Variants in NTRK1 observed in about 807,000 individuals in gnomAD.
The protein encoded by NTRK1 is high affinity nerve growth factor receptor.
A neutral mutation model predicts 86.8 loss-of-function variants in NTRK1; 62 were observed. The ratio of observed to expected loss-of-function variants is 0.71; its 90% confidence interval spans 0.58 to 0.88. The LOEUF (loss-of-function observed/expected upper bound fraction) is 0.88, where lower values mean the gene tolerates loss of function less well. Ranked by LOEUF, NTRK1 falls within the 40% of genes least tolerant of loss-of-function variation. The probability of loss-of-function intolerance (pLI) is 0.00; values close to 1 mark genes in which losing one functional copy is unlikely to be tolerated. For missense variants in NTRK1, 967 were observed against 1,078.4 expected (o/e 0.90, Z 1.45); for synonymous variants, 469 against 456.6 (o/e 1.03, Z -0.35).
chr1:156,864,814 T>C lies in NTRK1; in HGVS notation c.359+15T>C. 1.2e-6 allele frequency: 2 copies of C among 1,610,392 alleles called. No individual in the cohort carries two copies. The highest frequency in any genetic ancestry group is 2.2e-5 in the East Asian group (1 of 44,756). ...CTCAGTCGCCTGTGAGTGTGGCCAG[T>C]GCTGGGCAGTGGGAGTTGGGGAGGA... On this transcript the variant is annotated intron_variant, in intron 3 of 16. Coordinates refer to ENST00000524377, the MANE Select transcript of NTRK1 (RefSeq NM_002529.4).
At position 156,881,544 on chromosome 1, in the gene NTRK1, C is replaced by A; in HGVS notation, c.2293C>A (p.Gln765Lys). ...CTACGCCATCATGCGGGGCTGCTGG[C>A]AGCGGGAGCCCCAGCAACGCCACAG... Reference protein sequence around the residue: ...EVYAIMRGCWQREPQQRHSIK... With the variant: ...EVYAIMRGCWKREPQQRHSIK... The change falls in exon 17 of 17, where the codon CAG becomes AAG. Residue 765 changes from glutamine to lysine, a missense_variant. Physicochemically the swap from Gln to Lys is moderately conservative, Grantham distance 53. Transcript: ENST00000524377. 6.2e-7 allele frequency: 1 copy of A among 1,607,342 alleles called. No homozygotes were observed. The highest frequency in any genetic ancestry group is 1.7e-5 in the Admixed American group (1 of 59,196).
chr1:156,875,342 G>C (rs1254922368), intron 11 of NTRK1, among the ~76,000 whole-genome samples, 178 bp from the exon 12 acceptor site: 2 of 152,070 alleles, frequency 1.3e-5, no homozygotes, highest in Non-Finnish European at 2.9e-5. Context: ...GGTGGGACAG[G>C]AGCCAGCACA....
rs1648106029 is a variant in NTRK1 at position 156,879,272 on chromosome 1, C to T, written c.1956C>T (p.Ala652=). The part of the protein sequence containing the change: ...AGLHFVHRDL[A]TRNCLVGQGL... ...TGCATTTTGTGCACCGGGACCTGGC[C>T]ACACGCAACTGTCTAGTGGGCCAGG... Residue 652 remains alanine, a synonymous_variant, in exon 15 of 17, where the codon GCC becomes GCT. Coordinates refer to ENST00000524377, the MANE Select transcript of NTRK1 (RefSeq NM_002529.4). The T allele has an allele frequency of 6.2e-7, 1 of 1,613,914 alleles. No homozygotes were observed. The highest frequency in any genetic ancestry group is 8.5e-7 in the Non-Finnish European group (1 of 1,180,034).
At chr1:156,862,634 G>T (rs967098203) in intron 1 of NTRK1, among the ~76,000 whole-genome samples, 5 of 151,622 alleles carry the variant, frequency 3.3e-5, no homozygotes, top group African/African-American at 1.2e-4. Flanking sequence ...TCACTCACCC[G>T]CAGAGCTAAC....
chr1:156,856,744 C>T (rs914645418), upstream of NTRK1, among the ~76,000 whole-genome samples: 6 of 152,162 alleles, frequency 3.9e-5, no homozygotes, highest in Non-Finnish European at 8.8e-5. Context: ...AGGGCTGGAA[C>T]CACTGGGCAC....
At chr1:156,862,358 T>C (rs376995932) in intron 1 of NTRK1, among the ~76,000 whole-genome samples, 54 of 152,160 alleles carry the variant, frequency 3.5e-4, no homozygotes, top group African/African-American at 1.3e-3. Context: ...GAGAGACAGG[T>C]TGCCAGTCCT....
At chr1:156,867,884 A>G (rs1013949122) in intron 4 of NTRK1, among the ~76,000 whole-genome samples, 3 of 148,090 alleles carry the variant, frequency 2.0e-5, no homozygotes, top group African/African-American at 5.0e-5. Flanking sequence ...TGTGTTAGCC[A>G]GGATGGTCTC....
intron 6 of NTRK1, among the ~76,000 whole-genome samples, chr1:156,870,192 C>A (rs1020652745): frequency 6.6e-6 from 1 of 152,196 alleles, no homozygotes; most frequent in African/African-American, 2.4e-5. Flanking sequence ...CCAGGATTTG[C>A]TTTCTCTTTG....
intron 1 of NTRK1, chr1:156,815,890 C>T (rs369302487): frequency 1.3e-5 from 21 of 1,613,288 alleles, no homozygotes; most frequent in African/African-American, 2.7e-5. Flanking sequence ...TTGGCAGACC[C>T]GGATCATTCC....
intron 2 of NTRK1, chr1:156,842,319 C>A: frequency 6.2e-7 from 1 of 1,613,584 alleles, no homozygotes; most frequent in East Asian, 2.2e-5. Context: ...AGAGGCTGGT[C>A]TCCTGTCCAG....
At position 156,836,362 on chromosome 1, in the gene NTRK1, G is replaced by A. The variant is rs944704126; in HGVS notation, c.-63-5719G>A. Among the ~76,000 whole-genome samples the A allele has an allele frequency of 2.0e-4, 30 of 152,140 alleles. No individual in the cohort carries two copies. The East Asian group carries it at 4.4e-3, about 22-fold the overall frequency. ...GTTTCTGAGTTGCTGTCTCCCTACC[G>A]CTGCCTCTCTCTTCCACACCCTGCT... On this transcript the variant is annotated intron_variant, in intron 1 of 16. Coordinates refer to the NTRK1 transcript ENST00000392302.
chr1:156,880,225 A>T (rs1376753455), intron 16 of NTRK1, 68 bp downstream of exon 16: 11 of 1,571,616 alleles, frequency 7.0e-6, no homozygotes, highest in Non-Finnish European at 9.5e-6. Flanking sequence ...TTCCTTTTTC[A>T]GGGAACTCGG....
chr1:156,827,562 T>G (rs1487289862), intron 1 of NTRK1, among the ~76,000 whole-genome samples: 1 of 152,162 alleles, frequency 6.6e-6, no homozygotes, highest in East Asian at 1.9e-4. Context: ...GCACCTGGCC[T>G]ATTTTTAAAT....
intron 14 of NTRK1, among the ~76,000 whole-genome samples, chr1:156,878,314 A>G (rs2644604): frequency 0.81 from 123,060 of 152,020 alleles, 50,905 homozygotes; most frequent in Non-Finnish European, 0.89. Flanking sequence ...TTGAGTCTCA[A>G]TTTAGGTGTC....
upstream of NTRK1, among the ~76,000 whole-genome samples, chr1:156,856,902 C>T (rs1028911724): frequency 6.6e-6 from 1 of 152,144 alleles, no homozygotes; most frequent in Non-Finnish European, 1.5e-5. Context: ...TTCCGTGGCT[C>T]CCCACTGCAG....
At chr1:156,878,988 A>C (rs545166892) in intron 14 of NTRK1, 134 bp from the exon 15 acceptor site, 14 of 1,023,830 alleles carry the variant, frequency 1.4e-5, no homozygotes, top group Non-Finnish European at 2.9e-6. Flanking sequence ...AGCTGCCTCT[A>C]CTGTTCTCTC....
intron 2 of NTRK1, among the ~76,000 whole-genome samples, chr1:156,847,250 G>C (rs1324446064): frequency 1.3e-5 from 2 of 152,218 alleles, no homozygotes; most frequent in African/African-American, 2.4e-5. Context: ...TTTCTAGAGA[G>C]AGTGTTCCTA....
chr1:156,871,367 G>T (rs1431430359), intron 6 of NTRK1, among the ~76,000 whole-genome samples: 1 of 151,900 alleles, frequency 6.6e-6, no homozygotes, highest in Non-Finnish European at 1.5e-5. Context: ...AGCCTGGGCA[G>T]GACAGTAAGA....
At chr1:156,841,358 A>C in intron 1 of NTRK1, 1 of 1,605,022 alleles carries the variant, frequency 6.2e-7, no homozygotes, top group Non-Finnish European at 8.5e-7. Context: ...TTGTAGGTAG[A>C]TCAACAATGA....
Sources: allele counts gnomAD v4.1 joint callset (sites outside exome capture counted in the v4.1 genomes callset), GRCh38; gene constraint gnomAD v4.1.1; transcripts MANE v1.5; gene names NCBI Gene and HGNC (gene_info 2026-07-23, HGNC 2026-07-21).